Variants in IPCEF1 observed in about 807,000 individuals in gnomAD.
IPCEF1 encodes interactor protein for cytohesin exchange factors 1.
IPCEF1 carries 31 observed loss-of-function variants against 50.9 expected under a neutral mutation model. That is an observed-to-expected ratio of 0.61 (90% CI 0.46 to 0.82). The LOEUF is 0.82. Ranked by LOEUF, IPCEF1 falls within the 40% of genes least tolerant of loss-of-function variation. The pLI is 0.00. For synonymous variants in IPCEF1, 181 were observed against 192.0 expected, an observed-to-expected ratio of 0.94 and a Z score of 0.47; for missense variants, 458 against 514.0, an observed-to-expected ratio of 0.89 and a Z score of 1.05.
chr6:154,327,362 T>C (rs1178705878), intron 1 of IPCEF1, among the ~76,000 whole-genome samples: 1 of 151,748 alleles, frequency 6.6e-6, no homozygotes, highest in African/African-American at 2.4e-5. Context: ...CTTAAACAAA[T>C]TTACAAGAAA....
intron 2 of IPCEF1, among the ~76,000 whole-genome samples, chr6:154,269,552 TCTCAAA>T (rs1164331348): frequency 6.6e-6 from 1 of 152,192 alleles, no homozygotes; most frequent in Non-Finnish European, 1.5e-5. Flanking sequence ...CCCAGGCTGG[TCTCAAA>T]CTCCTGGTTT....
At chr6:154,257,777 G>A (rs1008826145) in intron 3 of IPCEF1, among the ~76,000 whole-genome samples, 1 of 152,140 alleles carries the variant, frequency 6.6e-6, no homozygotes, top group Non-Finnish European at 1.5e-5. Flanking sequence ...ATGGTTCGCT[G>A]CAATCTCAAC....
At chr6:154,272,399 A>G (rs187428042) in intron 2 of IPCEF1, among the ~76,000 whole-genome samples, 21 of 152,364 alleles carry the variant, frequency 1.4e-4, no homozygotes, top group African/African-American at 4.6e-4. Context: ...AACCAATGAC[A>G]TTTTTGGTGC....
intron 2 of IPCEF1, among the ~76,000 whole-genome samples, chr6:154,270,775 A>G (rs922617639): frequency 2.6e-5 from 4 of 152,100 alleles, no homozygotes; most frequent in Non-Finnish European, 5.9e-5. Flanking sequence ...CACGAGTTCA[A>G]GACCAGCCTG....
At chr6:154,229,462 G>C (rs182705895) in intron 5 of IPCEF1, among the ~76,000 whole-genome samples, 1 of 146,042 alleles carries the variant, frequency 6.8e-6, no homozygotes, top group African/African-American at 2.5e-5. Context: ...CCATTCTCCC[G>C]CCTCAGCCTC....
At chr6:154,184,027 T>C (rs1417141280) in intron 10 of IPCEF1, among the ~76,000 whole-genome samples, 1 of 152,166 alleles carries the variant, frequency 6.6e-6, no homozygotes, top group Non-Finnish European at 1.5e-5. Context: ...CTAGTCACTA[T>C]GCTGCATATT....
intron 3 of IPCEF1, among the ~76,000 whole-genome samples, chr6:154,258,464 T>C (rs1781514503): frequency 6.6e-6 from 1 of 152,190 alleles, no homozygotes. Context: ...CCTCTGAAAT[T>C]GATATTATAA....
chr6:154,296,548 G>A (rs572751178), intron 1 of IPCEF1, among the ~76,000 whole-genome samples: 48 of 152,208 alleles, frequency 3.2e-4, no homozygotes, highest in South Asian at 1.7e-3. Flanking sequence ...AATGAATATC[G>A]GCCGGGCGTG....
intron 1 of IPCEF1, among the ~76,000 whole-genome samples, chr6:154,291,930 G>A (rs1056514478): frequency 6.6e-5 from 10 of 151,972 alleles, no homozygotes; most frequent in Non-Finnish European, 1.3e-4. Context: ...TGATCCACCC[G>A]CCTCGGCCTC....
intron 5 of IPCEF1, among the ~76,000 whole-genome samples, chr6:154,229,230 A>C (rs1779510381): frequency 6.6e-6 from 1 of 152,232 alleles, no homozygotes; most frequent in East Asian, 1.9e-4. Flanking sequence ...GTGTGGAATA[A>C]ATACATGTGA....
intron 1 of IPCEF1, among the ~76,000 whole-genome samples, chr6:154,341,940 G>C (rs1196424914): frequency 6.6e-6 from 1 of 152,086 alleles, no homozygotes; most frequent in African/African-American, 2.4e-5. Flanking sequence ...TAACGTAAAG[G>C]AAAATTTAAG....
At chr6:154,183,172 G>T (rs1393014373) in intron 10 of IPCEF1, among the ~76,000 whole-genome samples, 1 of 151,876 alleles carries the variant, frequency 6.6e-6, no homozygotes, top group African/African-American at 2.4e-5. Flanking sequence ...GTAGAGACGG[G>T]GTTTCACTGT....
At chr6:154,242,098 A>T (rs1355984094) in intron 5 of IPCEF1, among the ~76,000 whole-genome samples, 1 of 152,234 alleles carries the variant, frequency 6.6e-6, no homozygotes, top group African/African-American at 2.4e-5. Flanking sequence ...ATGAGAATTC[A>T]ATATAATCGC....
intron 10 of IPCEF1, among the ~76,000 whole-genome samples, chr6:154,178,666 T>A (rs1052181351): frequency 7.9e-5 from 12 of 152,136 alleles, no homozygotes; most frequent in African/African-American, 2.9e-4. Context: ...CACCTAAAAT[T>A]TCATATATTA....
intron 2 of IPCEF1, among the ~76,000 whole-genome samples, chr6:154,273,724 C>CTTTTTTTTTTTTTTT (rs71021036): frequency 7.9e-5 from 5 of 63,312 alleles, no homozygotes; most frequent in African/African-American, 1.1e-4. Flanking sequence ...TTCTTTCTTT[C>CTTTTTTTTTTTTTTT]TTTTTTTTTT....
At chr6:154,218,029 T>G (rs1778551672) in intron 7 of IPCEF1, among the ~76,000 whole-genome samples, 1 of 152,234 alleles carries the variant, frequency 6.6e-6, no homozygotes, top group South Asian at 2.1e-4. Flanking sequence ...TTTAGAATCT[T>G]GTTTGACTGT....
intron 3 of IPCEF1, among the ~76,000 whole-genome samples, chr6:154,261,943 T>C (rs1431353044): frequency 6.6e-6 from 1 of 152,150 alleles, no homozygotes; most frequent in Non-Finnish European, 1.5e-5. Flanking sequence ...TGTGATTAGG[T>C]CAAAGGTGTC....
At chr6:154,179,053 A>G (rs1000727760) in intron 10 of IPCEF1, among the ~76,000 whole-genome samples, 3 of 152,358 alleles carry the variant, frequency 2.0e-5, no homozygotes, top group Middle Eastern at 3.4e-3. Context: ...CGACCCAGTC[A>G]GGGACATTAC....
chr6:154,260,306 T>C (rs1781564005), intron 3 of IPCEF1, among the ~76,000 whole-genome samples: 1 of 152,180 alleles, frequency 6.6e-6, no homozygotes, highest in Non-Finnish European at 1.5e-5. Flanking sequence ...TTTATATACG[T>C]AACTTTTTGT....
Sources: allele counts gnomAD v4.1 joint callset (sites outside exome capture counted in the v4.1 genomes callset), GRCh38; gene constraint gnomAD v4.1.1; transcripts MANE v1.5; gene names NCBI Gene and HGNC (gene_info 2026-07-23, HGNC 2026-07-21).